KIF3B: variants seen among roughly 807,000 people sequenced by gnomAD.
The protein encoded by KIF3B is kinesin family member 3B.
A neutral mutation model predicts 74.3 loss-of-function variants in KIF3B; 38 were observed. The ratio of observed to expected loss-of-function variants is 0.51; its 90% CI spans 0.39 to 0.67. The LOEUF (loss-of-function observed/expected upper bound fraction) is 0.67. Ranked by LOEUF, KIF3B falls within the 30% of genes least tolerant of loss-of-function variation. KIF3B has a pLI of 0.00. For missense variants in KIF3B, 649 were observed against 932.0 expected (o/e 0.70, Z 3.95); for synonymous variants, 326 against 342.5 (o/e 0.95, Z 0.53).
At chr20:32,329,104 C>T (rs2047917910) in intron 7 of KIF3B, among the ~76,000 whole-genome samples, 1 of 152,150 alleles carries the variant, frequency 6.6e-6, no homozygotes, top group African/African-American at 2.4e-5. Flanking sequence ...GACAGGGTTT[C>T]ACCATGTTGG....
intron 1 of KIF3B, among the ~76,000 whole-genome samples, chr20:32,302,619 T>G (rs2047749614): frequency 6.6e-6 from 1 of 152,192 alleles, no homozygotes; most frequent in African/African-American, 2.4e-5. Flanking sequence ...TCCTCTGCAC[T>G]GACCTGTCTC....
At chr20:32,287,504 T>C (rs1338121346) in intron 1 of KIF3B, among the ~76,000 whole-genome samples, 1 of 151,818 alleles carries the variant, frequency 6.6e-6, no homozygotes, top group Non-Finnish European at 1.5e-5. Context: ...AAATTTTTCA[T>C]GGAGGCAGGA....
intron 1 of KIF3B, among the ~76,000 whole-genome samples, chr20:32,291,840 C>A (rs749726207): frequency 1.1e-4 from 16 of 152,202 alleles, no homozygotes; most frequent in Non-Finnish European, 8.8e-5. Flanking sequence ...TGGTCTTGAA[C>A]TCCTGACCTC....
intron 1 of KIF3B, among the ~76,000 whole-genome samples, chr20:32,295,835 A>ATTAAAACAT (rs1206345217): frequency 1.3e-5 from 2 of 149,194 alleles, no homozygotes; most frequent in Non-Finnish European, 3.0e-5. Flanking sequence ...TCATTTATCA[A>ATTAAAACAT]TTAAAACATT....
Position 32,316,858 on chromosome 20 carries a change from A to G in KIF3B, c.1732A>G (p.Arg578Gly). 1 of 1,612,250 alleles carries G rather than the reference A, an allele frequency of 6.2e-7. No individual in the cohort carries two copies. Among genetic ancestry groups the G allele is most frequent in the Non-Finnish European group, 8.5e-7 (1 of 1,178,362 alleles). Residue 578 changes from arginine to glycine, a missense_variant, in exon 5 of 9, where the codon AGG becomes GGG. Arg to Gly is a moderately radical substitution (Grantham distance 125). Transcript: ENST00000375712. ...ELEQTQNELT[R>G]ELKLKHLIIE... ...AGAGCAGACTCAGAATGAGCTCACCAGGGAGCTGAAACTCAAGTAAGTGCC... is the reference window on the plus strand; with the variant it reads ...AGAGCAGACTCAGAATGAGCTCACCGGGGAGCTGAAACTCAAGTAAGTGCC...
At chr20:32,290,770 T>C (rs1384207993) in intron 1 of KIF3B, among the ~76,000 whole-genome samples, 1 of 151,558 alleles carries the variant, frequency 6.6e-6, no homozygotes, top group African/African-American at 2.4e-5. Context: ...TCTCAGCTAC[T>C]CAAAAGGCTG....
At chr20:32,330,902 G>C (rs1393774305) in intron 8 of KIF3B, among the ~76,000 whole-genome samples, 1 of 152,196 alleles carries the variant, frequency 6.6e-6, no homozygotes, top group African/African-American at 2.4e-5. Context: ...CAATTGGGTG[G>C]AAAACCAAAA....
chr20:32,317,108 A>G (rs2047831724), intron 5 of KIF3B, among the ~76,000 whole-genome samples: 1 of 135,142 alleles, frequency 7.4e-6, no homozygotes, highest in South Asian at 2.5e-4. Flanking sequence ...GTGGTGGTGC[A>G]TGCCTGTAGT....
intron 2 of KIF3B, among the ~76,000 whole-genome samples, chr20:32,312,722 C>G (rs1353559042): frequency 1.3e-5 from 2 of 152,124 alleles, no homozygotes; most frequent in African/African-American, 4.8e-5. Context: ...TGGGTTGTTT[C>G]CAGTTTCTGC....
At chr20:32,279,345 A>AT (rs1329627831) in intron 1 of KIF3B, among the ~76,000 whole-genome samples, 1 of 152,182 alleles carries the variant, frequency 6.6e-6, no homozygotes, top group African/African-American at 2.4e-5. Flanking sequence ...ATAAGGCCAC[A>AT]GGGGTATTCT....
intron 5 of KIF3B, among the ~76,000 whole-genome samples, chr20:32,323,127 T>C (rs1370351891): frequency 1.9e-5 from 2 of 107,304 alleles, no homozygotes; most frequent in Non-Finnish European, 3.7e-5. Flanking sequence ...TATTTATATT[T>C]ATATATTTAC....
intron 1 of KIF3B, among the ~76,000 whole-genome samples, chr20:32,302,706 C>T (rs1400729688): frequency 1.3e-5 from 2 of 152,168 alleles, no homozygotes; most frequent in Non-Finnish European, 2.9e-5. Context: ...TGCACTGAAA[C>T]AGAGGTCTTC....
intron 5 of KIF3B, among the ~76,000 whole-genome samples, chr20:32,318,163 G>A (rs2047837731): frequency 6.6e-6 from 1 of 152,006 alleles, no homozygotes; most frequent in African/African-American, 2.4e-5. Flanking sequence ...TTAGCTGGGT[G>A]TGATGGCGTG....
intron 1 of KIF3B, among the ~76,000 whole-genome samples, chr20:32,285,072 C>G (rs771840038): frequency 1.8e-4 from 27 of 149,526 alleles, no homozygotes; most frequent in Middle Eastern, 3.4e-3. Context: ...CTCTTCCATA[C>G]CTGCATAACT....
chr20:32,301,075 G>C (rs2047741486), intron 1 of KIF3B, among the ~76,000 whole-genome samples: 1 of 142,336 alleles, frequency 7.0e-6, no homozygotes, highest in Non-Finnish European at 1.5e-5. Flanking sequence ...TGTTGCCCAC[G>C]CTTCATGGTC....
chr20:32,305,162 C>CA (rs932512390), intron 1 of KIF3B, among the ~76,000 whole-genome samples: 27 of 150,946 alleles, frequency 1.8e-4, no homozygotes, highest in Non-Finnish European at 2.8e-4. Flanking sequence ...AACAAACAAA[C>CA]AAAAAAAACC....
At chr20:32,285,099 CAAAAAAA>C (rs11480924) in intron 1 of KIF3B, among the ~76,000 whole-genome samples, 5 of 102,490 alleles carry the variant, frequency 4.9e-5, no homozygotes, top group African/African-American at 1.9e-4. Flanking sequence ...AAATGATGAC[CAAAAAAA>C]AAAAAAAAAA....
intron 1 of KIF3B, among the ~76,000 whole-genome samples, chr20:32,278,178 G>A (rs183457124): frequency 9.9e-5 from 15 of 152,174 alleles, no homozygotes; most frequent in African/African-American, 3.6e-4. Context: ...TGCTCAGAGT[G>A]GTAAAGATAA....
intron 1 of KIF3B, among the ~76,000 whole-genome samples, chr20:32,292,767 A>G (rs901697163): frequency 4.0e-5 from 6 of 151,782 alleles, no homozygotes; most frequent in Non-Finnish European, 8.8e-5. Context: ...TTGAAAAACA[A>G]CAGAATGTGA....
Sources: gnomAD v4.1 joint callset for allele counts (sites outside exome capture counted in the v4.1 genomes callset) on GRCh38, gnomAD v4.1.1 for gene constraint, MANE v1.5 for transcripts, NCBI Gene and HGNC (gene_info 2026-07-23, HGNC 2026-07-21) for gene names.